The following MCEE variants were observed in gnomAD, a reference collection of about 807,000 sequenced individuals.
MCEE encodes methylmalonyl-CoA epimerase, also known as methylmalonyl-CoA epimerase, mitochondrial.
In MCEE, 6 loss-of-function variants were observed where a neutral mutation model predicts 12.9. The observed-to-expected ratio is 0.47, with a 90% CI of 0.26 to 0.92. MCEE has a LOEUF of 0.92. Among genes scored for constraint, MCEE ranks in the 40% least tolerant of loss-of-function variants. The probability of loss-of-function intolerance (pLI) is 0.16; values close to 1 mark genes in which losing one functional copy is unlikely to be tolerated. For missense variants in MCEE, 214 were observed against 212.1 expected, an observed-to-expected ratio of 1.01 and a Z score of -0.05; for synonymous variants, 78 against 77.9, an observed-to-expected ratio of 1.00 and a Z score of -0.01.
In MCEE at chr2:71,124,500, A is replaced by C. The variant is rs987506075; in HGVS notation, c.84T>G (p.Ala28=). 1.2e-6 allele frequency: 2 copies of C among 1,614,020 alleles called. No homozygotes were observed. The highest frequency in any genetic ancestry group is 1.7e-6 in the Non-Finnish European group (2 of 1,180,040). ...RLQAPIPTVR[A]SSTSQPLDQV... is the part of the protein sequence containing the mutation. Reference sequence around the variant, plus strand: ...GATCCAAGGGCTGTGATGTGGAAGAAGCTCTTACTGTTGGAATGGGAGCTT... The same window carrying C: ...GATCCAAGGGCTGTGATGTGGAAGACGCTCTTACTGTTGGAATGGGAGCTT... Residue 28 remains alanine (A), a synonymous_variant, in exon 2 of 3, where the codon GCT becomes GCG. Coordinates refer to ENST00000244217, the MANE Select transcript of MCEE (RefSeq NM_032601.4).
At chr2:71,121,587 A>G (rs1281348941) in intron 2 of MCEE, among the ~76,000 whole-genome samples, 2 of 152,144 alleles carry the variant, frequency 1.3e-5, no homozygotes, top group Non-Finnish European at 2.9e-5. Flanking sequence ...TGAATCTGCC[A>G]TTACTGAACT....
chr2:71,124,469 T>A lies in MCEE; in HGVS notation c.115A>T (p.Thr39Ser), dbSNP rs1403540998. The part of the protein sequence containing the change: ...SSTSQPLDQV[T>S]GSVWNLGRLN... ...CGACCCAGGTTCCACACAGAACCTGTCACTTGATCCAAGGGCTGTGATGTG... is the reference window on the plus strand; with the variant it reads ...CGACCCAGGTTCCACACAGAACCTGACACTTGATCCAAGGGCTGTGATGTG... The change falls in exon 2 of 3, where the codon ACA (threonine) becomes TCA (serine). Residue 39 changes from threonine (T) to serine (S), a missense_variant. Physicochemically the swap from Thr to Ser is moderately conservative, Grantham distance 58. Coordinates refer to ENST00000244217, the MANE Select transcript of MCEE (RefSeq NM_032601.4). The A allele has an allele frequency of 1.9e-6, 3 of 1,614,024 alleles. No homozygotes were observed. Among genetic ancestry groups the A allele is most frequent in the Non-Finnish European group, 2.5e-6 (3 of 1,180,020 alleles).
At chr2:71,129,229 ACTGT>A (rs1348973110) in intron 1 of MCEE, among the ~76,000 whole-genome samples, 1 of 152,144 alleles carries the variant, frequency 6.6e-6, no homozygotes, top group East Asian at 1.9e-4. Flanking sequence ...TTTTTCCCAA[ACTGT>A]CAATCATTAA....
chr2:71,114,303 G>C (rs1672949015), intron 2 of MCEE, among the ~76,000 whole-genome samples: 1 of 151,710 alleles, frequency 6.6e-6, no homozygotes, highest in Non-Finnish European at 1.5e-5. Context: ...TACCTATGTA[G>C]CAAACCTGCA....
chr2:71,125,311 C>T (rs1193656582), intron 1 of MCEE, among the ~76,000 whole-genome samples: 3 of 147,910 alleles, frequency 2.0e-5, no homozygotes, highest in East Asian at 2.0e-4. Flanking sequence ...CAGGTTCAAG[C>T]GATTCTCCTG....
At chr2:71,125,808 A>AT (rs1558748657) in intron 1 of MCEE, among the ~76,000 whole-genome samples, 1 of 152,164 alleles carries the variant, frequency 6.6e-6, no homozygotes, top group Non-Finnish European at 1.5e-5. Context: ...CACTGTATTT[A>AT]TTTTTTTACA....
intron 2 of MCEE, chr2:71,116,790 C>G (rs966875603): frequency 6.6e-6 from 1 of 150,422 alleles, no homozygotes; most frequent in Non-Finnish European, 1.5e-5. Context: ...GATCCTGCCT[C>G]GGCCTCCCAA....
intron 2 of MCEE, among the ~76,000 whole-genome samples, chr2:71,118,974 G>A (rs1253066855): frequency 1.3e-5 from 2 of 149,692 alleles, no homozygotes; most frequent in Non-Finnish European, 2.9e-5. Context: ...ACTCATGGAT[G>A]CCCTCCTCAC....
At chr2:71,126,894 C>T (rs1673246064) in intron 1 of MCEE, among the ~76,000 whole-genome samples, 1 of 152,180 alleles carries the variant, frequency 6.6e-6, no homozygotes, top group Non-Finnish European at 1.5e-5. Flanking sequence ...CTTTTTAAAG[C>T]TATTTTTATT....
Position 71,109,706 on chromosome 2 carries a change from T to G in MCEE, c.*264A>C. 2 of 240,484 alleles carry G rather than the reference T, an allele frequency of 8.3e-6. No homozygotes were observed. Among genetic ancestry groups the G allele is most frequent in the Non-Finnish European group, 7.9e-6 (1 of 127,108 alleles). The allele number at this position is 240,484 out of a possible 1,614,324, so 14.9% of individuals were successfully genotyped here. ...CCATTGTAGAAGAGGAATAATTTAT[T>G]TCTATATGATTTTAATAATGTTCCC... On this transcript the variant is annotated 3_prime_UTR_variant, in exon 3 of 3. Coordinates refer to ENST00000244217, the MANE Select transcript of MCEE (RefSeq NM_032601.4).
intron 1 of MCEE, among the ~76,000 whole-genome samples, chr2:71,125,524 G>A (rs1490076826): frequency 6.6e-6 from 1 of 151,516 alleles, no homozygotes; most frequent in East Asian, 1.9e-4. Context: ...TGCATTTTTA[G>A]TAGAGATGGG....
intron 2 of MCEE, among the ~76,000 whole-genome samples, chr2:71,118,085 G>A (rs1311875439): frequency 6.7e-6 from 1 of 149,894 alleles, no homozygotes; most frequent in East Asian, 1.9e-4. Context: ...GCCCGGAAGC[G>A]TCCCAGTGGA....
chr2:71,118,841 C>T lies in MCEE; in HGVS notation c.378+5365G>A, dbSNP rs1319344726. On this transcript the variant is annotated intron_variant, in intron 2 of 2. Transcript: ENST00000244217. ...TGCTGATGCCCTCCTCACTCTGACA[C>T]TGCAAGTCAAGATGCTCCCTTGGGC... is the stretch of plus-strand genomic sequence containing the variant. Among the ~76,000 whole-genome samples, 3 of 150,022 alleles carry T rather than the reference C, an allele frequency of 2.0e-5. 1 individual carries two copies. The Middle Eastern group carries it at 0.01, about 510-fold the overall frequency.
intron 1 of MCEE, among the ~76,000 whole-genome samples, chr2:71,128,351 A>C (rs1369739754): frequency 1.3e-5 from 2 of 152,190 alleles, no homozygotes; most frequent in African/African-American, 4.8e-5. Context: ...CAGCAATTCC[A>C]CTTATGAGTA....
intron 2 of MCEE, among the ~76,000 whole-genome samples, chr2:71,119,098 A>C (rs779471883): frequency 1.5e-4 from 23 of 150,352 alleles, no homozygotes; most frequent in Middle Eastern, 3.4e-3. Context: ...AATGGGGAGG[A>C]GTCATAGGTA....
intron 2 of MCEE, among the ~76,000 whole-genome samples, chr2:71,121,440 T>C (rs181065320): frequency 1.8e-4 from 28 of 152,282 alleles, no homozygotes; most frequent in Middle Eastern, 3.4e-3. Context: ...CTTAATTTTT[T>C]TGTGGAGGGC....
intron 2 of MCEE, among the ~76,000 whole-genome samples, chr2:71,123,339 C>G (rs191181257): frequency 2.7e-4 from 41 of 151,934 alleles, no homozygotes; most frequent in Admixed American, 2.4e-3. Flanking sequence ...TAAAAATACA[C>G]AATTAGCCGG....
intron 2 of MCEE, among the ~76,000 whole-genome samples, chr2:71,118,748 T>G (rs183556525): frequency 6.7e-5 from 10 of 150,182 alleles, no homozygotes; most frequent in Admixed American, 6.6e-5. Flanking sequence ...CACCATCACT[T>G]TGGGGTTATG....
intron 2 of MCEE, among the ~76,000 whole-genome samples, chr2:71,115,292 T>C (rs1672968539): frequency 6.6e-6 from 1 of 152,174 alleles, no homozygotes; most frequent in Non-Finnish European, 1.5e-5. Context: ...GAGGCTGAGA[T>C]GAGAGGACTG....
Sources: allele counts gnomAD v4.1 joint callset (sites outside exome capture counted in the v4.1 genomes callset), GRCh38; gene constraint gnomAD v4.1.1; transcripts MANE v1.5; gene names NCBI Gene and HGNC (gene_info 2026-07-23, HGNC 2026-07-21).